SYT7: variants seen among roughly 807,000 people sequenced by gnomAD.
The protein encoded by SYT7 is synaptotagmin-7.
A neutral mutation model predicts 75.1 loss-of-function variants in SYT7; 29 were observed. The observed-to-expected ratio is 0.39, with a 90% CI of 0.29 to 0.53. The LOEUF is 0.53. Ranked by LOEUF, SYT7 falls within the 20% of genes least tolerant of loss-of-function variation. The pLI, the probability that SYT7 is intolerant of heterozygous loss-of-function variation, is 0.77. For missense variants in SYT7, 693 were observed against 953.2 expected, an observed-to-expected ratio of 0.73 and a Z score of 3.59; for synonymous variants, 376 against 401.7, an observed-to-expected ratio of 0.94 and a Z score of 0.76.
Position 61,546,129 on chromosome 11 carries a change from C to T in SYT7, c.474G>A (p.Gly158=). The T allele has an allele frequency of 6.5e-7, 1 of 1,530,010 alleles. No homozygotes were observed. 94.8% of individuals were successfully genotyped at this position (1,530,010 alleles called of 1,614,324 possible). ...PPGEDALRSG[G]AAPSEPGSGG... ...CGCTGCCCGGCTCGCTGGGGGCAGC[C>T]CCGCCGCTTCTCAAGGCGTCCTCTC... The change falls in exon 5 of 13, where the codon GGG becomes GGA. Residue 158 remains glycine (G), a synonymous_variant. Coordinates refer to ENST00000539008, the MANE Select transcript of SYT7 (RefSeq NM_001365809.2). The surrounding 1 kb of genome is among the most constrained non-coding windows in gnomAD (Gnocchi z 7.6).
At chr11:61,558,672 G>T (rs546190696) in intron 1 of SYT7, among the ~76,000 whole-genome samples, 12 of 152,234 alleles carry the variant, frequency 7.9e-5, no homozygotes, top group Admixed American at 5.9e-4. Context: ...CCATCAAACA[G>T]CAGGACACCC....
At chr11:61,518,815 A>G (rs1019957890) in intron 12 of SYT7, 84 bp from the exon 13 acceptor site, 1 of 976,212 alleles carries the variant, frequency 1.0e-6, no homozygotes, top group African/African-American at 1.7e-5. Context: ...CCCCAACTCC[A>G]CCATGATACC....
chr11:61,558,013 TC>T (rs1215613085), intron 1 of SYT7, among the ~76,000 whole-genome samples: 1 of 152,168 alleles, frequency 6.6e-6, no homozygotes, highest in African/African-American at 2.4e-5. Flanking sequence ...TTCCCAGCTC[TC>T]CCCATGGAAC....
intron 7 of SYT7, among the ~76,000 whole-genome samples, chr11:61,537,677 C>A (rs1156984961): frequency 6.6e-6 from 1 of 152,214 alleles, no homozygotes; most frequent in Non-Finnish European, 1.5e-5. Flanking sequence ...ATCAGCCAAG[C>A]AGCCCAACAG....
intron 9 of SYT7, among the ~76,000 whole-genome samples, chr11:61,527,403 C>T (rs559235811): frequency 2.0e-5 from 3 of 152,208 alleles, no homozygotes; most frequent in African/African-American, 4.8e-5. Flanking sequence ...CCCAAGGTCA[C>T]GCAGCGAGTA....
rs142513852 is a variant in SYT7 at position 61,578,924 on chromosome 11, G to A, written c.31+1866C>T. 3.2e-4 allele frequency among the ~76,000 whole-genome samples: 49 copies of A among 152,342 alleles called. 1 individual carries two copies. The East Asian group carries it at 8.7e-3, about 27-fold the overall frequency. ...AGAGAGGCCCATTCAAGGAGGGGGT[G>A]AGGGAAGAGTTGAGGGCTGCCAGCA... is the stretch of plus-strand genomic sequence containing the variant. On this transcript the variant is annotated intron_variant, in intron 1 of 12. Coordinates refer to ENST00000539008, the MANE Select transcript of SYT7 (RefSeq NM_001365809.2).
rs954735509 is a variant in SYT7 at position 61,513,812 on chromosome 11, C to A, written c.*4815G>T. 6.6e-6 allele frequency among the ~76,000 whole-genome samples: 1 copy of A among 152,210 alleles called. No homozygotes were observed. Among genetic ancestry groups the A allele is most frequent in the African/African-American group, 2.4e-5 (1 of 41,448 alleles). On this transcript the variant is annotated 3_prime_UTR_variant, in exon 13 of 13. Coordinates refer to ENST00000539008, the MANE Select transcript of SYT7 (RefSeq NM_001365809.2). ...CTGCCCAGGGGGCTCACAATCTACACAAGACACGACACATACACGCAGGAC... is the reference window on the plus strand; with the variant it reads ...CTGCCCAGGGGGCTCACAATCTACAAAAGACACGACACATACACGCAGGAC...
upstream of SYT7, among the ~76,000 whole-genome samples, chr11:61,584,921 G>A (rs575403749): frequency 1.7e-4 from 26 of 152,340 alleles, no homozygotes; most frequent in Middle Eastern, 3.4e-3. Flanking sequence ...ATTCTGTTTC[G>A]TTGCTGGTCC....
At position 61,553,452 on chromosome 11, in the gene SYT7, C is replaced by T. The variant is rs1454385823; in HGVS notation, c.136-1989G>A. On this transcript the variant is annotated intron_variant, in intron 2 of 12. Coordinates refer to ENST00000539008, the MANE Select transcript of SYT7 (RefSeq NM_001365809.2). This position sits in a 1 kb window ranked among gnomAD's most constrained non-coding sequence, Gnocchi z 5.2. Reference sequence around the variant, plus strand: ...TAAGGCAGGGCCGCTGCCCCTTCCCCGAGGCCAGGAAGGGCACGGTCAGCC... The same window carrying T: ...TAAGGCAGGGCCGCTGCCCCTTCCCTGAGGCCAGGAAGGGCACGGTCAGCC... Among the ~76,000 whole-genome samples, 3 of 152,214 alleles carry T rather than the reference C, an allele frequency of 2.0e-5. No individual in the cohort carries two copies. The highest frequency in any genetic ancestry group is 2.1e-4 in the South Asian group (1 of 4,832).
intron 9 of SYT7, 138 bp downstream of exon 9, chr11:61,527,777 A>T: frequency 1.0e-6 from 1 of 995,688 alleles, no homozygotes; most frequent in Non-Finnish European, 1.5e-6. Flanking sequence ...ATCTGCTTGC[A>T]TGTGTGTTTG....
chr11:61,566,276 AC>A (rs2063766169), intron 1 of SYT7, among the ~76,000 whole-genome samples: 2 of 151,490 alleles, frequency 1.3e-5, no homozygotes, highest in Non-Finnish European at 2.9e-5. Flanking sequence ...TGACCCCCTC[AC>A]CTCACCTCAC....
chr11:61,556,053 G>A (rs2063493115), intron 2 of SYT7, 51 bp downstream of exon 2: 4 of 1,462,028 alleles, frequency 2.7e-6, no homozygotes, highest in African/African-American at 1.4e-5. Flanking sequence ...GGGAGGGGGG[G>A]CAGTGTGCAG....
At chr11:61,550,077 G>A (rs1485087247) in intron 3 of SYT7, among the ~76,000 whole-genome samples, 1 of 152,138 alleles carries the variant, frequency 6.6e-6, no homozygotes, top group Non-Finnish European at 1.5e-5. Flanking sequence ...CACTCTGCAA[G>A]AGCCCCTGGG....
At chr11:61,567,078 A>T (rs1412251940) in intron 1 of SYT7, among the ~76,000 whole-genome samples, 1 of 152,146 alleles carries the variant, frequency 6.6e-6, no homozygotes, top group Admixed American at 6.5e-5. Context: ...GATGCAACAT[A>T]ATGTGAAGCT....
In SYT7 at chr11:61,546,102, A is replaced by G; in HGVS notation, c.501T>C (p.Gly167=). ...GCCAGCGGCCTCTCCCCGCCTTGCCACCGCTGCCCGGCTCGCTGGGGGCAG... is the reference window on the plus strand; with the variant it reads ...GCCAGCGGCCTCTCCCCGCCTTGCCGCCGCTGCCCGGCTCGCTGGGGGCAG... ...GGAAPSEPGS[G]GKAGRGRWRT... The change falls in exon 5 of 13, where the codon GGT becomes GGC. Residue 167 remains glycine, a synonymous_variant. Coordinates refer to ENST00000539008, the MANE Select transcript of SYT7 (RefSeq NM_001365809.2). The surrounding 1 kb of genome is among the most constrained non-coding windows in gnomAD (Gnocchi z 7.6). 2 of 1,529,398 alleles carry G rather than the reference A, an allele frequency of 1.3e-6. No homozygotes were observed. The highest frequency in any genetic ancestry group is 2.1e-4 in the Middle Eastern group (1 of 4,772). 94.7% of individuals were successfully genotyped at this position (1,529,398 alleles called of 1,614,324 possible). A position where few individuals can be genotyped will look rare whatever the true frequency, so the allele number is the denominator to read the frequency against.
intron 7 of SYT7, chr11:61,533,355 C>T (rs2062768711): frequency 1.0e-6 from 1 of 985,310 alleles, no homozygotes; most frequent in African/African-American, 1.7e-5. Flanking sequence ...TTAACTACTC[C>T]TATAGGGGAT....
intron 12 of SYT7, among the ~76,000 whole-genome samples, chr11:61,522,280 C>G (rs2062365390): frequency 1.3e-5 from 2 of 150,676 alleles, no homozygotes; most frequent in African/African-American, 4.9e-5. Context: ...ACCTCTGCCT[C>G]CTGGGTACAA....
intron 6 of SYT7, chr11:61,540,725 G>A (rs2063015899): frequency 2.0e-6 from 2 of 985,516 alleles, no homozygotes; most frequent in Non-Finnish European, 1.2e-6. Context: ...GGTGACAGCT[G>A]TGATAAGACA....
At chr11:61,519,532 G>A (rs1425938828) in intron 12 of SYT7, among the ~76,000 whole-genome samples, 1 of 152,226 alleles carries the variant, frequency 6.6e-6, no homozygotes, top group Non-Finnish European at 1.5e-5. Flanking sequence ...TCAAGGGCCA[G>A]AGGGGACAGG....
Sources: allele counts gnomAD v4.1 joint callset (sites outside exome capture counted in the v4.1 genomes callset), GRCh38; gene constraint gnomAD v4.1.1; non-coding constraint Gnocchi (gnomAD v3.1); transcripts MANE v1.5; gene names NCBI Gene and HGNC (gene_info 2026-07-23, HGNC 2026-07-21).